The following CDKAL1 variants were observed in gnomAD, a reference collection of about 807,000 sequenced individuals.
CDKAL1 encodes threonylcarbamoyladenosine tRNA methylthiotransferase.
Under a neutral mutation model 68.2 loss-of-function variants are expected in CDKAL1, and 32 were observed. The ratio of observed to expected loss-of-function variants is 0.47; its 90% CI spans 0.35 to 0.63. CDKAL1 has a LOEUF of 0.63. CDKAL1 is among the 30% of genes least tolerant of loss of function. The pLI, the probability that CDKAL1 is intolerant of heterozygous loss-of-function variation, is 0.00. For synonymous variants in CDKAL1, 234 were observed against 244.3 expected (o/e 0.96, Z 0.39); for missense variants, 606 against 696.7 (o/e 0.87, Z 1.47).
chr6:20,622,262 C>T (rs866532363), intron 4 of CDKAL1, among the ~76,000 whole-genome samples: 33 of 151,964 alleles, frequency 2.2e-4, no homozygotes, highest in African/African-American at 6.8e-4. Context: ...CTTCCTTGGG[C>T]TGCCTAATTT....
At chr6:21,155,571 A>G (rs1776604518) in intron 13 of CDKAL1, among the ~76,000 whole-genome samples, 1 of 152,202 alleles carries the variant, frequency 6.6e-6, no homozygotes. Context: ...AGACGGTGAA[A>G]GCTCTTTAAG....
At chr6:20,690,249 A>G (rs1487167395) in intron 5 of CDKAL1, among the ~76,000 whole-genome samples, 2 of 152,234 alleles carry the variant, frequency 1.3e-5, no homozygotes, top group African/African-American at 2.4e-5. Context: ...TAAGTTGTAT[A>G]TATTTTTTGG....
intron 6 of CDKAL1, among the ~76,000 whole-genome samples, chr6:20,754,903 G>C (rs1006588590): frequency 6.6e-6 from 1 of 152,150 alleles, no homozygotes; most frequent in Non-Finnish European, 1.5e-5. Context: ...ATTTATGGCT[G>C]TGTTTTCTTC....
At chr6:20,669,445 G>A (rs73732718) in intron 5 of CDKAL1, among the ~76,000 whole-genome samples, 11,818 of 152,056 alleles carry the variant, frequency 0.078, 1,464 homozygotes, top group African/African-American at 0.26. Context: ...TATCACCCAT[G>A]TTGTTCTGGA....
chr6:21,207,266 G>A (rs1280485820), intron 15 of CDKAL1, among the ~76,000 whole-genome samples: 1 of 151,516 alleles, frequency 6.6e-6, no homozygotes, highest in East Asian at 1.9e-4. Context: ...AGTGGTTCAC[G>A]CCTGTAATCC....
At chr6:21,167,765 G>C (rs192537425) in intron 13 of CDKAL1, among the ~76,000 whole-genome samples, 75 of 152,256 alleles carry the variant, frequency 4.9e-4, no homozygotes, top group Admixed American at 2.0e-3. Flanking sequence ...AATAAATCAG[G>C]AGATTCCATT....
intron 8 of CDKAL1, among the ~76,000 whole-genome samples, chr6:20,803,580 C>T (rs1389106170): frequency 6.6e-6 from 1 of 152,052 alleles, no homozygotes; most frequent in Non-Finnish European, 1.5e-5. Context: ...GGTAACCTGA[C>T]AGCAATTCCA....
At position 20,888,674 on chromosome 6, in the gene CDKAL1, T is replaced by G. The variant is rs539295944; in HGVS notation, c.742+42496T>G. Among the ~76,000 whole-genome samples, 9 of 151,728 alleles carry G rather than the reference T, an allele frequency of 5.9e-5. No homozygotes were observed. In the East Asian group the frequency reaches 1.2e-3, roughly 20 times the overall value. On this transcript the variant is annotated intron_variant, in intron 9 of 15. Transcript: ENST00000274695. ...CTGAGAATGATGATTTCCAGTTTCA[T>G]CCATGTCCCTACAAAGGACATGAAC...
chr6:20,712,696 G>A (rs1367771806), intron 5 of CDKAL1, among the ~76,000 whole-genome samples: 1 of 151,790 alleles, frequency 6.6e-6, no homozygotes, highest in African/African-American at 2.4e-5. Flanking sequence ...CCATGCTGGA[G>A]CGCAATGGCA....
chr6:20,576,514 T>G (rs1180635008), intron 4 of CDKAL1, among the ~76,000 whole-genome samples: 1 of 152,232 alleles, frequency 6.6e-6, no homozygotes, highest in Non-Finnish European at 1.5e-5. Flanking sequence ...TATGAGATTT[T>G]GTGGTAAAGC....
intron 13 of CDKAL1, among the ~76,000 whole-genome samples, chr6:21,114,156 G>A (rs894383988): frequency 1.3e-5 from 2 of 151,204 alleles, no homozygotes; most frequent in African/African-American, 4.9e-5. Flanking sequence ...GCTGAGGCAG[G>A]AGAATGGCGT....
rs1774723843 is a variant in CDKAL1, at chr6:20,766,820, A to C, written c.517+8177A>C. ...CTCAACCATATTAATTTTTCTTAAT[A>C]AATAAATAAAGCATCAATCCCAGAA... On this transcript the variant is annotated intron_variant, in intron 7 of 15. Transcript: ENST00000274695. Among the ~76,000 whole-genome samples the C allele has an allele frequency of 5.9e-5, 9 of 152,176 alleles. No individual in the cohort carries two copies. The South Asian group carries it at 1.9e-3, about 32-fold the overall frequency.
chr6:20,611,075 C>T (rs914907221), intron 4 of CDKAL1, among the ~76,000 whole-genome samples: 3 of 152,108 alleles, frequency 2.0e-5, no homozygotes, highest in African/African-American at 7.2e-5. Context: ...ATCTGGTGGC[C>T]ATCTGTTTTC....
intron 6 of CDKAL1, among the ~76,000 whole-genome samples, chr6:20,740,986 T>C (rs1386258366): frequency 6.6e-6 from 1 of 152,160 alleles, no homozygotes; most frequent in Admixed American, 6.5e-5. Context: ...TGGTAAAAAC[T>C]TGGAGTTGAT....
chr6:21,000,804 T>G (rs1329174768), intron 11 of CDKAL1, among the ~76,000 whole-genome samples: 2 of 152,194 alleles, frequency 1.3e-5, no homozygotes, highest in East Asian at 3.9e-4. Flanking sequence ...TTAAAGAGTA[T>G]CTGGAATGTC....
chr6:21,048,350 T>A (rs1164140772), intron 11 of CDKAL1, among the ~76,000 whole-genome samples: 1 of 152,140 alleles, frequency 6.6e-6, no homozygotes, highest in African/African-American at 2.4e-5. Context: ...GAAAACTGAA[T>A]TTAAAACAAT....
At position 20,820,854 on chromosome 6, in the gene CDKAL1, G is replaced by A. The variant is rs562661016; in HGVS notation, c.639-25221G>A. 3.3e-5 allele frequency among the ~76,000 whole-genome samples: 5 copies of A among 152,172 alleles called. No homozygotes were observed. The South Asian group carries it at 8.3e-4, about 25-fold the overall frequency. ...TTCATGGAGTTTCAATTCTAGTGGT[G>A]GAGACAGACAGGTAAACAGCAGACT... On this transcript the variant is annotated intron_variant, in intron 8 of 15. Transcript: ENST00000274695.
intron 13 of CDKAL1, among the ~76,000 whole-genome samples, chr6:21,169,204 A>G (rs923247431): frequency 1.3e-5 from 2 of 152,232 alleles, no homozygotes; most frequent in Non-Finnish European, 2.9e-5. Context: ...ATAAATACAC[A>G]CGAGCAGATA....
intron 4 of CDKAL1, among the ~76,000 whole-genome samples, chr6:20,585,147 C>T (rs1243277408): frequency 1.7e-4 from 25 of 151,034 alleles, no homozygotes; most frequent in African/African-American, 6.1e-4. Flanking sequence ...AGCTCCGCCT[C>T]CCGGGTTCAC....
Sources: allele counts gnomAD v4.1 joint callset (sites outside exome capture counted in the v4.1 genomes callset), GRCh38; gene constraint gnomAD v4.1.1; transcripts MANE v1.5; gene names NCBI Gene and HGNC (gene_info 2026-07-23, HGNC 2026-07-21).